Variants in RIN2 observed in about 807,000 individuals in gnomAD.
RIN2 encodes RAB5 interacting protein 2.
RIN2 carries 36 observed loss-of-function variants against 78.0 expected under a neutral mutation model. That is an observed-to-expected ratio of 0.46 (90% CI 0.35 to 0.61). The LOEUF (loss-of-function observed/expected upper bound fraction) is 0.61, where lower values mean the gene tolerates loss of function less well. Among genes scored for constraint, RIN2 ranks in the 20% least tolerant of loss-of-function variants. The pLI is 0.00. For missense variants in RIN2, 1,087 were observed against 1,159.7 expected, an observed-to-expected ratio of 0.94 and a Z score of 0.91; for synonymous variants, 466 against 466.8, an observed-to-expected ratio of 1.00 and a Z score of 0.02.
In RIN2 at chr20:19,766,913, G is replaced by GAA. The variant is rs749280521; in HGVS notation, c.-163+8599_-163+8600dup. Among the ~76,000 whole-genome samples the GAA allele has an allele frequency of 3.4e-3, 376 of 109,020 alleles. 3 individuals are homozygous for GAA. Among genetic ancestry groups the GAA allele is most frequent in the African/African-American group, 0.012 (357 of 30,706 alleles). 71.5% of individuals were successfully genotyped at this position (109,020 alleles called of 152,430 possible). The stretch of plus-strand genomic sequence containing the variant: ...GGCAATAGCGTGAGACTCCATCTCA[G>GAA]AAAAAAAAAAAAAAGAAAAAAAAGA... On this transcript the variant is annotated intron_variant, in intron 1 of 12. Transcript: ENST00000255006.
At chr20:19,829,129 A>G (rs984097511) in intron 2 of RIN2, among the ~76,000 whole-genome samples, 1 of 152,160 alleles carries the variant, frequency 6.6e-6, no homozygotes, top group African/African-American at 2.4e-5. Context: ...TGCCACCTAT[A>G]TGATGGGACG....
At chr20:19,923,016 A>G (rs1256927573) in intron 3 of RIN2, among the ~76,000 whole-genome samples, 1 of 152,182 alleles carries the variant, frequency 6.6e-6, no homozygotes, top group African/African-American at 2.4e-5. Context: ...TTTAAGCTTG[A>G]GGAAATTTAA....
intron 4 of RIN2, 57 bp from the exon 5 acceptor site, chr20:19,956,558 C>G (rs899180990): frequency 1.9e-4 from 286 of 1,544,024 alleles, no homozygotes; most frequent in Non-Finnish European, 2.4e-4. Context: ...GGGACGGTCT[C>G]CTTGTTAGGG....
chr20:19,843,118 T>C (rs191132485), intron 2 of RIN2, among the ~76,000 whole-genome samples: 36 of 152,326 alleles, frequency 2.4e-4, no homozygotes, highest in Admixed American at 2.0e-3. Flanking sequence ...AATGAGGAGT[T>C]GCTTCGTGCA....
chr20:19,862,357 C>T (rs908621829), intron 2 of RIN2, among the ~76,000 whole-genome samples: 5 of 152,174 alleles, frequency 3.3e-5, no homozygotes, highest in East Asian at 3.9e-4. Context: ...TTTGGGAGGC[C>T]GAGGCGGGTG....
intron 2 of RIN2, among the ~76,000 whole-genome samples, chr20:19,824,499 T>C (rs947162586): frequency 5.9e-5 from 9 of 151,582 alleles, no homozygotes; most frequent in Non-Finnish European, 1.2e-4. Context: ...GACACTCATG[T>C]CCTTCAAGGC....
intron 3 of RIN2, among the ~76,000 whole-genome samples, chr20:19,891,281 G>A (rs2038447591): frequency 1.3e-5 from 2 of 152,216 alleles, no homozygotes; most frequent in Admixed American, 1.3e-4. Flanking sequence ...CAAGTCCTCT[G>A]TAGATCAAGA....
intron 2 of RIN2, among the ~76,000 whole-genome samples, chr20:19,827,100 C>T (rs1344785223): frequency 5.3e-5 from 8 of 151,502 alleles, no homozygotes; most frequent in Non-Finnish European, 1.0e-4. Context: ...CTCAGACTCC[C>T]GAGTAGCTGG....
intron 2 of RIN2, among the ~76,000 whole-genome samples, chr20:19,853,282 T>C (rs2037052288): frequency 6.6e-6 from 1 of 152,110 alleles, no homozygotes; most frequent in Non-Finnish European, 1.5e-5. Flanking sequence ...CAGTCTATCA[T>C]TGATGGACAT....
At chr20:19,996,094 C>A (rs933066594) in intron 11 of RIN2, among the ~76,000 whole-genome samples, 7 of 152,146 alleles carry the variant, frequency 4.6e-5, no homozygotes, top group East Asian at 1.9e-4. Flanking sequence ...ACAGGTGGAT[C>A]AGTTGAGGCC....
intron 2 of RIN2, among the ~76,000 whole-genome samples, chr20:19,819,948 A>G (rs1248726784): frequency 6.6e-6 from 1 of 152,242 alleles, no homozygotes; most frequent in Non-Finnish European, 1.5e-5. Flanking sequence ...GATTTAATAA[A>G]TTTCTCAAAG....
At chr20:19,969,771 C>A (rs199676746) in intron 7 of RIN2, among the ~76,000 whole-genome samples, 2 of 49,824 alleles carry the variant, frequency 4.0e-5, no homozygotes, top group East Asian at 6.8e-3. Flanking sequence ...TGGAAAAAAA[C>A]AAACAAACAA....
intron 3 of RIN2, among the ~76,000 whole-genome samples, chr20:19,902,812 G>C (rs1443694936): frequency 6.6e-6 from 1 of 152,118 alleles, no homozygotes; most frequent in Non-Finnish European, 1.5e-5. Context: ...ATTTAAATTT[G>C]GCCGGGCACG....
At chr20:19,956,983 C>G (rs2041571144) in intron 5 of RIN2, among the ~76,000 whole-genome samples, 176 bp downstream of exon 5, 1 of 152,232 alleles carries the variant, frequency 6.6e-6, no homozygotes, top group Admixed American at 6.5e-5. Context: ...CAGAGCCCTT[C>G]ACGATGTGTC....
intron 2 of RIN2, among the ~76,000 whole-genome samples, chr20:19,827,685 C>T (rs2122967960): frequency 6.6e-6 from 1 of 152,160 alleles, no homozygotes; most frequent in East Asian, 1.9e-4. Context: ...AAATTGACTT[C>T]AGGATCCAGT....
chr20:19,873,891 TC>T (rs2032332366), intron 2 of RIN2, among the ~76,000 whole-genome samples: 1 of 152,230 alleles, frequency 6.6e-6, no homozygotes, highest in Non-Finnish European at 1.5e-5. Context: ...AAATCAATAA[TC>T]ATGGTGCTTT....
chr20:19,899,786 T>C (rs957580080), intron 3 of RIN2, among the ~76,000 whole-genome samples: 2 of 152,222 alleles, frequency 1.3e-5, no homozygotes, highest in African/African-American at 4.8e-5. Context: ...AGTCTTTTTA[T>C]AACCTACTCT....
chr20:19,780,978 G>C (rs1325077411), intron 1 of RIN2, among the ~76,000 whole-genome samples: 1 of 152,188 alleles, frequency 6.6e-6, no homozygotes. Context: ...AGATGAAAGA[G>C]TGGTTGCAGC....
chr20:19,933,677 G>A (rs751186501), intron 3 of RIN2, among the ~76,000 whole-genome samples: 72 of 152,126 alleles, frequency 4.7e-4, no homozygotes, highest in Non-Finnish European at 9.6e-4. Context: ...AGCTTTAAGC[G>A]CAAGTGAAGT....
Sources: allele counts gnomAD v4.1 joint callset (sites outside exome capture counted in the v4.1 genomes callset), GRCh38; gene constraint gnomAD v4.1.1; transcripts MANE v1.5; gene names NCBI Gene and HGNC (gene_info 2026-07-23, HGNC 2026-07-21).